The following ANKHD1 variants were observed in gnomAD, a reference collection of about 807,000 sequenced individuals.
The protein encoded by ANKHD1 is ankyrin repeat and KH domain-containing protein 1.
In ANKHD1, 31 loss-of-function variants were observed where a neutral mutation model predicts 230.5. The observed-to-expected ratio is 0.13, with a 90% CI of 0.10 to 0.18. ANKHD1 has a LOEUF of 0.18. ANKHD1 is among the 10% of genes least tolerant of loss of function. The pLI, the probability that ANKHD1 is intolerant of heterozygous loss-of-function variation, is 1.00. For missense variants in ANKHD1, 2,256 were observed against 3,071.3 expected, an observed-to-expected ratio of 0.73 and a Z score of 6.27; for synonymous variants, 1,074 against 1,117.6, an observed-to-expected ratio of 0.96 and a Z score of 0.78.
chr5:140,442,120 A>G (rs1410853341), intron 5 of ANKHD1, among the ~76,000 whole-genome samples: 2 of 148,118 alleles, frequency 1.4e-5, no homozygotes, highest in African/African-American at 2.5e-5. Flanking sequence ...GCTCACTGCA[A>G]CCTCCACCTC....
chr5:140,403,094 C>G (rs533651075), intron 1 of ANKHD1, among the ~76,000 whole-genome samples: 1 of 148,168 alleles, frequency 6.7e-6, no homozygotes, highest in Non-Finnish European at 1.5e-5. Flanking sequence ...CTCAGCCTCC[C>G]GAGTAGCTGG....
intron 15 of ANKHD1, 155 bp from the exon 16 acceptor site, chr5:140,504,666 C>A: frequency 2.0e-6 from 2 of 1,000,826 alleles, no homozygotes; most frequent in Non-Finnish European, 2.8e-6. Context: ...AGTGTTGGAA[C>A]TAATATTTAA....
intron 3 of ANKHD1, 102 bp from the exon 4 acceptor site, chr5:140,440,017 A>G (rs746522839): frequency 6.6e-5 from 88 of 1,327,544 alleles, no homozygotes; most frequent in Non-Finnish European, 8.5e-5. Context: ...CTTTTACTGC[A>G]TTAACATTTT....
intron 22 of ANKHD1, among the ~76,000 whole-genome samples, 184 bp downstream of exon 22, chr5:140,510,365 T>C (rs1248354702): frequency 7.6e-6 from 1 of 132,434 alleles, no homozygotes; most frequent in Non-Finnish European, 1.5e-5. Context: ...TAGGCTAGAA[T>C]GCAGTGGCAT....
At position 140,463,114 on chromosome 5, in the gene ANKHD1, G is replaced by A. The variant is rs1024943550; in HGVS notation, c.1673-1553G>A. On this transcript the variant is annotated intron_variant, in intron 9 of 33. Transcript: ENST00000360839. ...TCCTCTCACTTTGTTCTCCCAAAGC[G>A]CGGAGATTACAGGCATGAGCCACTG... 7.2e-5 allele frequency among the ~76,000 whole-genome samples: 11 copies of A among 152,012 alleles called. No homozygotes were observed. The South Asian group carries it at 1.0e-3, about 14-fold the overall frequency.
rs549697423 is a variant in ANKHD1 at position 140,452,011 on chromosome 5, C to T, written c.1242+2706C>T. Among the ~76,000 whole-genome samples, 335 of 152,234 alleles carry T rather than the reference C, an allele frequency of 2.2e-3. 1 individual carries two copies. The highest frequency in any genetic ancestry group is 7.8e-3 in the African/African-American group (326 of 41,536). On this transcript the variant is annotated intron_variant, in intron 7 of 33. Transcript: ENST00000360839. The stretch of plus-strand genomic sequence containing the variant: ...TCCAGTCTACAGCTCCCAGCATGAG[C>T]GACGCATGAGACGGGTGATTTCTGC...
intron 20 of ANKHD1, among the ~76,000 whole-genome samples, chr5:140,508,281 TTTG>T (rs1351744217): frequency 6.6e-5 from 10 of 152,204 alleles, no homozygotes; most frequent in African/African-American, 2.4e-4. Flanking sequence ...GTAAGATTAT[TTTG>T]TATTAACTCT....
chr5:140,505,197 G>A lies in ANKHD1; in HGVS notation c.3226G>A (p.Ala1076Thr). 1 of 1,614,054 alleles carries A rather than the reference G, an allele frequency of 6.2e-7. No individual in the cohort carries two copies. The highest frequency in any genetic ancestry group is 8.5e-7 in the Non-Finnish European group (1 of 1,179,982). Residue 1076 changes from alanine to threonine, a missense_variant, in exon 17 of 34, where the codon GCA becomes ACA. Physicochemically the swap from Ala to Thr is moderately conservative, Grantham distance 58. Transcript: ENST00000360839. ...GHEELVSVLI[A>T]RDAKIEHRDK... Reference sequence around the variant, plus strand: ...TGAAGAACTTGTATCTGTGCTCATTGCACGGGATGCCAAAATTGAACACAG... The same window carrying A: ...TGAAGAACTTGTATCTGTGCTCATTACACGGGATGCCAAAATTGAACACAG...
chr5:140,401,914 C>A lies in ANKHD1; in HGVS notation c.-54C>A, dbSNP rs1307860849. 2 of 1,519,186 alleles carry A rather than the reference C, an allele frequency of 1.3e-6. No individual in the cohort carries two copies. Among genetic ancestry groups the A allele is most frequent in the Admixed American group, 4.6e-5 (2 of 43,656 alleles). The allele number at this position is 1,519,186 out of a possible 1,614,324, so 94.1% of individuals were successfully genotyped here. ...CTGCTCTTCTCGTTCCCGAGATCAG[C>A]GGCGGCGGTGACCGCGAGTGGGTCG... On this transcript the variant is annotated 5_prime_UTR_variant, in exon 1 of 34. Coordinates refer to ENST00000360839, the MANE Select transcript of ANKHD1 (RefSeq NM_017747.3).
chr5:140,457,729 A>G (rs1419077520), intron 7 of ANKHD1, among the ~76,000 whole-genome samples: 1 of 152,070 alleles, frequency 6.6e-6, no homozygotes, highest in African/African-American at 2.4e-5. Context: ...GGGGAGGGAA[A>G]GCATTAGGAG....
At chr5:140,454,752 A>T (rs982306755) in intron 7 of ANKHD1, among the ~76,000 whole-genome samples, 3 of 152,260 alleles carry the variant, frequency 2.0e-5, no homozygotes, top group African/African-American at 7.2e-5. Flanking sequence ...TGTCCACAAG[A>T]GAAAACAGGA....
rs1399458872 is a variant in ANKHD1, at chr5:140,441,055, C to G, written c.826C>G (p.Leu276Val). 6.2e-7 allele frequency: 1 copy of G among 1,612,110 alleles called. No individual in the cohort carries two copies. Residue 276 changes from leucine to valine, a missense_variant, in exon 5 of 34, where the codon CTG becomes GTG. Transcript: ENST00000360839. ...AGGGAATAAAGGAGACATAACTCCC[C>G]TGATGGCAGCTTCCAGTGGAGGTTA... ...DRGNKGDITP[L>V]MAASSGGYLD...
intron 10 of ANKHD1, among the ~76,000 whole-genome samples, chr5:140,468,273 A>G (rs35359623): frequency 6.6e-6 from 1 of 150,396 alleles, no homozygotes; most frequent in South Asian, 2.1e-4. Flanking sequence ...CAAAAAAAAA[A>G]CAAAAAAAAA....
chr5:140,528,069 G>C (rs1464547045), intron 28 of ANKHD1, 47 bp downstream of exon 28: 1 of 1,603,852 alleles, frequency 6.2e-7, no homozygotes, highest in East Asian at 2.2e-5. Flanking sequence ...GAAATTATAA[G>C]AAGCATACCT....
At chr5:140,531,245 CTT>C in intron 29 of ANKHD1, 1 of 390,400 alleles carries the variant, frequency 2.6e-6, no homozygotes, top group Admixed American at 3.2e-5. Flanking sequence ...TGTTGATGCT[CTT>C]TTCACGGATA....
At chr5:140,508,114 T>C in intron 20 of ANKHD1, 116 bp downstream of exon 20, 1 of 1,341,594 alleles carries the variant, frequency 7.5e-7, no homozygotes, top group African/African-American at 1.5e-5. Flanking sequence ...CTGATACCAA[T>C]GCAGAGTTGA....
At chr5:140,512,432 C>T (rs1752812435) in intron 22 of ANKHD1, among the ~76,000 whole-genome samples, 1 of 152,088 alleles carries the variant, frequency 6.6e-6, no homozygotes, top group Admixed American at 6.6e-5. Flanking sequence ...TTTTAGGACT[C>T]ATTTCCCTTT....
chr5:140,454,861 T>A (rs1409009046), intron 7 of ANKHD1, among the ~76,000 whole-genome samples: 1 of 151,546 alleles, frequency 6.6e-6, no homozygotes, highest in Non-Finnish European at 1.5e-5. Flanking sequence ...ATAACTAAGA[T>A]CAGAGCAGAA....
chr5:140,539,144 T>G (rs1319917883), intron 33 of ANKHD1, 61 bp downstream of exon 33: 2 of 1,548,666 alleles, frequency 1.3e-6, no homozygotes, highest in Non-Finnish European at 1.7e-6. Flanking sequence ...TTTTGTTTTG[T>G]GAGAAGTATA....
Sources: gnomAD v4.1 joint callset for allele counts (sites outside exome capture counted in the v4.1 genomes callset) on GRCh38, gnomAD v4.1.1 for gene constraint, MANE v1.5 for transcripts, NCBI Gene and HGNC (gene_info 2026-07-23, HGNC 2026-07-21) for gene names.